The following CUBN variants were observed in gnomAD, a reference collection of about 807,000 sequenced individuals.
CUBN encodes 460 kDa receptor.
Under a neutral mutation model 405.3 loss-of-function variants are expected in CUBN, and 282 were observed. That is an observed-to-expected ratio of 0.70 (90% confidence interval 0.63 to 0.77). The LOEUF is 0.77. Ranked by LOEUF, CUBN falls within the 30% of genes least tolerant of loss-of-function variation. CUBN has a pLI of 0.00. For synonymous variants in CUBN, 1,684 were observed against 1,617.0 expected (o/e 1.04, Z -0.99); for missense variants, 4,514 against 4,475.2 (o/e 1.01, Z -0.25).
chr10:16,988,335 G>GCA (rs1833487908), intron 29 of CUBN, among the ~76,000 whole-genome samples: 1 of 152,150 alleles, frequency 6.6e-6, no homozygotes, highest in African/African-American at 2.4e-5. Flanking sequence ...TGAACATTCT[G>GCA]CACATGGATG....
chr10:16,978,688 T>A (rs1833171204), intron 31 of CUBN, among the ~76,000 whole-genome samples: 1 of 152,194 alleles, frequency 6.6e-6, no homozygotes, highest in African/African-American at 2.4e-5. Flanking sequence ...AAAGATCCAG[T>A]AACCAAGAGA....
chr10:16,852,445 A>C (rs1324413184), intron 59 of CUBN, among the ~76,000 whole-genome samples: 635 of 50,862 alleles, frequency 0.012, no homozygotes, highest in Middle Eastern at 0.029. Context: ...CCCTCCCTCT[A>C]TCTTTCCCTC....
intron 28 of CUBN, among the ~76,000 whole-genome samples, chr10:17,014,709 T>G (rs1834280692): frequency 6.6e-6 from 1 of 152,110 alleles, no homozygotes; most frequent in Admixed American, 6.5e-5. Context: ...TCCAAACAGG[T>G]AGCCAAAAGT....
chr10:16,971,222 T>G (rs552816396), intron 31 of CUBN, among the ~76,000 whole-genome samples: 2 of 152,336 alleles, frequency 1.3e-5, no homozygotes, highest in African/African-American at 4.8e-5. Context: ...GTCTCCAAAA[T>G]GAAGGATTGG....
chr10:16,969,053 T>C (rs925568218), intron 31 of CUBN, among the ~76,000 whole-genome samples: 1 of 152,258 alleles, frequency 6.6e-6, no homozygotes. Flanking sequence ...TTTCTCATTA[T>C]AGCAGCATGC....
At chr10:16,940,366 T>C (rs1842622126) in intron 36 of CUBN, 129 bp from the exon 37 acceptor site, 1 of 899,060 alleles carries the variant, frequency 1.1e-6, no homozygotes, top group Non-Finnish European at 1.7e-6. Context: ...ACAACATTAT[T>C]TGGCTGTCTC....
In CUBN at chr10:16,833,260, CATGGTGGGGG is replaced by C. The variant is rs369267881; in HGVS notation, c.10362+1744_10362+1753del. 6.6e-3 allele frequency among the ~76,000 whole-genome samples: 1,008 copies of C among 152,292 alleles called. 15 individuals are homozygous for C. The highest frequency in any genetic ancestry group is 0.023 in the African/African-American group (950 of 41,554). ...CACTTCATATAAATATTTGGATCTC[CATGGTGGGGG>C]AGGTACACAGGTCCAAGTTGAATAA... On this transcript the variant is annotated intron_variant, in intron 64 of 66. Coordinates refer to ENST00000377833, the MANE Select transcript of CUBN (RefSeq NM_001081.4).
At chr10:17,036,000 C>A (rs1834889360) in intron 27 of CUBN, among the ~76,000 whole-genome samples, 1 of 151,770 alleles carries the variant, frequency 6.6e-6, no homozygotes, top group South Asian at 2.1e-4. Context: ...AGTGCACATA[C>A]CCTGAACTTG....
intron 33 of CUBN, 50 bp from the exon 34 acceptor site, chr10:16,950,161 A>C (rs775788345): frequency 2.3e-6 from 3 of 1,326,674 alleles, no homozygotes; most frequent in Admixed American, 1.8e-5. Context: ...CAAATAAAAC[A>C]TACAGGGAGA....
chr10:17,054,694 T>C (rs1012602558), intron 22 of CUBN, among the ~76,000 whole-genome samples: 1 of 152,026 alleles, frequency 6.6e-6, no homozygotes, highest in African/African-American at 2.4e-5. Flanking sequence ...CAAAAAACTG[T>C]GCAAATATAT....
intron 59 of CUBN, among the ~76,000 whole-genome samples, chr10:16,858,118 T>C (rs966888980): frequency 5.9e-5 from 9 of 152,140 alleles, no homozygotes; most frequent in African/African-American, 2.2e-4. Flanking sequence ...TACAGGCTTA[T>C]GTGATGAAAA....
intron 28 of CUBN, among the ~76,000 whole-genome samples, chr10:17,013,460 C>T (rs1394570864): frequency 2.6e-5 from 4 of 151,928 alleles, no homozygotes; most frequent in Non-Finnish European, 5.9e-5. Context: ...TTCCTTTCTG[C>T]TGGTCTTTCC....
chr10:16,970,704 T>C (rs182854377), intron 31 of CUBN, among the ~76,000 whole-genome samples: 7 of 152,354 alleles, frequency 4.6e-5, no homozygotes, highest in Non-Finnish European at 7.3e-5. Context: ...AAATACTTAT[T>C]CACTTCGTAG....
intron 51 of CUBN, among the ~76,000 whole-genome samples, chr10:16,902,042 TACACACACC>T (rs1841402829): frequency 7.4e-6 from 1 of 134,246 alleles, no homozygotes; most frequent in African/African-American, 2.8e-5. Context: ...TATATATATA[TACACACACC>T]ATATATAGGG....
At chr10:16,922,983 G>A (rs141271154) in intron 43 of CUBN, among the ~76,000 whole-genome samples, 1 of 151,922 alleles carries the variant, frequency 6.6e-6, no homozygotes, top group East Asian at 1.9e-4. Context: ...CTGAGCAGCT[G>A]AAACCACAGA....
chr10:16,950,161 A>T, intron 33 of CUBN, 50 bp from the exon 34 acceptor site: 1 of 1,326,674 alleles, frequency 7.5e-7, no homozygotes, highest in Admixed American at 1.8e-5. Context: ...CAAATAAAAC[A>T]TACAGGGAGA....
intron 15 of CUBN, among the ~76,000 whole-genome samples, chr10:17,086,785 A>G (rs1324287822): frequency 6.6e-6 from 1 of 152,184 alleles, no homozygotes; most frequent in Non-Finnish European, 1.5e-5. Context: ...CTTTATTCTA[A>G]TATTTAACTG....
At chr10:16,928,079 A>G in intron 41 of CUBN, 78 bp downstream of exon 41, 1 of 1,515,842 alleles carries the variant, frequency 6.6e-7, no homozygotes. Context: ...CAAAAACATT[A>G]TATTAGGAAG....
chr10:16,961,750 G>T (rs934081606), intron 31 of CUBN, among the ~76,000 whole-genome samples: 11 of 117,170 alleles, frequency 9.4e-5, no homozygotes, highest in African/African-American at 2.7e-4. Context: ...CTCGCTCTGT[G>T]GCCCAGGCTG....
Sources: allele counts gnomAD v4.1 joint callset (sites outside exome capture counted in the v4.1 genomes callset), GRCh38; gene constraint gnomAD v4.1.1; transcripts MANE v1.5; gene names NCBI Gene and HGNC (gene_info 2026-07-23, HGNC 2026-07-21).